Variants in PLCE1 observed in about 807,000 individuals in gnomAD.
PLCE1 encodes 1-phosphatidylinositol 4,5-bisphosphate phosphodiesterase epsilon-1.
A neutral mutation model predicts 242.8 loss-of-function variants in PLCE1; 119 were observed. The observed-to-expected ratio is 0.49, with a 90% CI of 0.42 to 0.57. The LOEUF (loss-of-function observed/expected upper bound fraction) is 0.57, where lower values mean the gene tolerates loss of function less well. Ranked by LOEUF, PLCE1 falls within the 20% of genes least tolerant of loss-of-function variation. PLCE1 has a pLI of 0.00. For missense variants in PLCE1, 2,441 were observed against 2,788.8 expected, an observed-to-expected ratio of 0.88 and a Z score of 2.81; for synonymous variants, 945 against 1,017.4, an observed-to-expected ratio of 0.93 and a Z score of 1.35.
intron 3 of PLCE1, among the ~76,000 whole-genome samples, chr10:94,143,676 A>C (rs1299011749): frequency 6.6e-6 from 1 of 152,244 alleles, no homozygotes; most frequent in South Asian, 2.1e-4. Flanking sequence ...TTACAGTTAA[A>C]GTAACAAAAA....
At chr10:94,258,749 T>C (rs775931396) in intron 11 of PLCE1, 51 bp from the exon 12 acceptor site, 27 of 1,613,424 alleles carry the variant, frequency 1.7e-5, no homozygotes, top group Non-Finnish European at 2.2e-5. Context: ...TGGGACAGAA[T>C]CACAACAGTG....
chr10:94,240,736 T>G (rs1450168535), intron 7 of PLCE1, among the ~76,000 whole-genome samples: 1 of 152,194 alleles, frequency 6.6e-6, no homozygotes, highest in Non-Finnish European at 1.5e-5. Flanking sequence ...CAAGTATTTA[T>G]CTGTCTACGG....
intron 2 of PLCE1, among the ~76,000 whole-genome samples, chr10:94,052,533 CT>C (rs748822534): frequency 1.3e-5 from 2 of 152,184 alleles, no homozygotes; most frequent in Admixed American, 1.3e-4. Context: ...TGAAATTATG[CT>C]GGTAAAAACA....
chr10:94,062,385 G>A (rs977440248), intron 2 of PLCE1, among the ~76,000 whole-genome samples: 4 of 151,852 alleles, frequency 2.6e-5, no homozygotes, highest in African/African-American at 9.7e-5. Flanking sequence ...TCAAACTCCT[G>A]GGCTCAAGCA....
chr10:94,332,171 CCTA>C lies in PLCE1; in HGVS notation c.*4231_*4233del, dbSNP rs2054167219. ...GGCGTGAGCCACCACACCTGGCCTA[CCTA>C]CTCTTATACATCTCTTAGATTCAAA... On this transcript the variant is annotated 3_prime_UTR_variant, in exon 33 of 33. Coordinates refer to ENST00000371380, the MANE Select transcript of PLCE1 (RefSeq NM_016341.4). 1.3e-5 allele frequency: 2 copies of C among 152,254 alleles called. No individual in the cohort carries two copies. Among genetic ancestry groups the C allele is most frequent in the South Asian group, 4.1e-4 (2 of 4,826 alleles). 9.4% of individuals were successfully genotyped at this position (152,254 alleles called of 1,614,324 possible). A position where few individuals can be genotyped will look rare whatever the true frequency, so the allele number is the denominator to read the frequency against.
At chr10:94,110,365 G>T (rs952063264) in intron 2 of PLCE1, among the ~76,000 whole-genome samples, 1 of 152,014 alleles carries the variant, frequency 6.6e-6, no homozygotes, top group African/African-American at 2.4e-5. Context: ...CCTGGCCAAG[G>T]ATAGACCTTT....
intron 3 of PLCE1, among the ~76,000 whole-genome samples, chr10:94,143,017 G>A (rs924371493): frequency 3.9e-5 from 6 of 152,144 alleles, no homozygotes; most frequent in Admixed American, 2.6e-4. Context: ...ACAAATAAAC[G>A]TGCAAATTTT....
At chr10:94,182,237 A>G (rs1490613502) in intron 4 of PLCE1, among the ~76,000 whole-genome samples, 2 of 151,956 alleles carry the variant, frequency 1.3e-5, no homozygotes, top group Non-Finnish European at 2.9e-5. Context: ...AATAAATGTA[A>G]TGGGTTGTTT....
chr10:94,106,295 C>T (rs1454061796), intron 2 of PLCE1: 1 of 152,180 alleles, frequency 6.6e-6, no homozygotes, highest in African/African-American at 2.4e-5. Context: ...CATACTACAA[C>T]ATGCCTTTTA....
At chr10:94,250,437 G>T (rs1487247142) in intron 8 of PLCE1, among the ~76,000 whole-genome samples, 2 of 149,228 alleles carry the variant, frequency 1.3e-5, no homozygotes, top group Admixed American at 1.3e-4. Context: ...GGAGGCGGAG[G>T]TTGCAGTGAG....
intron 19 of PLCE1, among the ~76,000 whole-genome samples, chr10:94,277,752 C>T (rs938887760): frequency 6.6e-6 from 1 of 152,114 alleles, no homozygotes; most frequent in Non-Finnish European, 1.5e-5. Flanking sequence ...GAACACTAAT[C>T]CTATGAGAGA....
chr10:94,002,216 A>G (rs903130136), intron 1 of PLCE1, among the ~76,000 whole-genome samples: 2 of 152,166 alleles, frequency 1.3e-5, no homozygotes, highest in Non-Finnish European at 2.9e-5. Flanking sequence ...CCAAAAATCA[A>G]TTTCCTGCAC....
chr10:94,153,135 A>T (rs960345501), intron 3 of PLCE1, among the ~76,000 whole-genome samples: 7 of 152,184 alleles, frequency 4.6e-5, no homozygotes, highest in African/African-American at 1.4e-4. Flanking sequence ...TCTTGTCCAA[A>T]ATACAGGTCC....
At chr10:94,001,516 ACT>A (rs781207103) in intron 1 of PLCE1, among the ~76,000 whole-genome samples, 2 of 152,244 alleles carry the variant, frequency 1.3e-5, no homozygotes, top group East Asian at 1.9e-4. Flanking sequence ...ATAAAGAGAG[ACT>A]CTGTTTTGAT....
intron 2 of PLCE1, among the ~76,000 whole-genome samples, chr10:94,118,274 T>G (rs931617675): frequency 3.3e-5 from 5 of 152,158 alleles, no homozygotes; most frequent in African/African-American, 1.2e-4. Context: ...GACCATATCT[T>G]TCTTATCTGA....
At chr10:94,319,294 A>G (rs1168237958) in intron 29 of PLCE1, among the ~76,000 whole-genome samples, 1 of 152,252 alleles carries the variant, frequency 6.6e-6, no homozygotes, top group African/African-American at 2.4e-5. Context: ...TACCTGGTGC[A>G]TAGTGATACC....
At chr10:94,108,363 C>T (rs1925246) in intron 2 of PLCE1, 131,009 of 152,168 alleles carry the variant, frequency 0.86, 58,496 homozygotes, top group South Asian at 0.98. Flanking sequence ...CTTACTTCAC[C>T]CCTACTCTTG....
At chr10:94,133,238 C>G (rs1191157897) in intron 3 of PLCE1, among the ~76,000 whole-genome samples, 6 of 152,132 alleles carry the variant, frequency 3.9e-5, no homozygotes, top group African/African-American at 1.4e-4. Context: ...TCCAGCTACT[C>G]CCATCTTAAA....
chr10:94,189,315 A>G (rs1310272114), intron 4 of PLCE1, among the ~76,000 whole-genome samples: 5 of 148,522 alleles, frequency 3.4e-5, no homozygotes, highest in Admixed American at 2.7e-4. Context: ...GTACACATAC[A>G]TATAATATAG....
Sources: gnomAD v4.1 joint callset for allele counts (sites outside exome capture counted in the v4.1 genomes callset) on GRCh38, gnomAD v4.1.1 for gene constraint, MANE v1.5 for transcripts, NCBI Gene and HGNC (gene_info 2026-07-23, HGNC 2026-07-21) for gene names.